ALG11: variants seen among roughly 807,000 people sequenced by gnomAD.
ALG11 encodes the protein ALG11 alpha-1,2-mannosyltransferase.
Under a neutral mutation model 38.8 loss-of-function variants are expected in ALG11, and 26 were observed. The observed-to-expected ratio is 0.67, with a 90% CI of 0.49 to 0.93. ALG11 has a LOEUF of 0.93. Among genes scored for constraint, ALG11 ranks in the 40% least tolerant of loss-of-function variants. ALG11 has a pLI of 0.00. For synonymous variants in ALG11, 199 were observed against 211.6 expected (o/e 0.94, Z 0.52); for missense variants, 535 against 578.8 (o/e 0.92, Z 0.78).
intron 2 of ALG11, chr13:52,020,475 C>G (rs1347403377): frequency 6.6e-6 from 1 of 152,186 alleles, no homozygotes; most frequent in African/African-American, 2.4e-5. Context: ...CCTGTATTTG[C>G]TCTGCCATCT....
rs11395040 is a variant in ALG11, at chr13:52,013,232, G to GT, written c.44+777dup. ...AGGCCTAGTATATTCTACCTACCTAGTTTTTTTACCACCTACATATTTTTG... is the reference window on the plus strand; with the variant it reads ...AGGCCTAGTATATTCTACCTACCTAGTTTTTTTTACCACCTACATATTTTTG... On this transcript the variant is annotated intron_variant, in intron 1 of 3. Transcript: ENST00000521508. Among the ~76,000 whole-genome samples, 1,044 of 152,132 alleles carry GT rather than the reference G, an allele frequency of 6.9e-3. 7 individuals are homozygous for GT. Among genetic ancestry groups the GT allele is most frequent in the African/African-American group, 0.023 (958 of 41,506 alleles).
chr13:52,027,159 A>G (rs185359828), intron 3 of ALG11, among the ~76,000 whole-genome samples: 10 of 152,278 alleles, frequency 6.6e-5, no homozygotes, highest in African/African-American at 2.2e-4. Flanking sequence ...AAGTCAGACT[A>G]TGAGCAAAAA....
Position 52,030,214 on chromosome 13 carries a change from G to T in ALG11, c.*1624G>T. On this transcript the variant is annotated 3_prime_UTR_variant, in exon 4 of 4. Transcript: ENST00000521508. Reference sequence around the variant, plus strand: ...CTCAGAAATTGAAGGAAAAACATCAGTCCAGGAAGCAAAAAGCAAGTTCAG... The same window carrying T: ...CTCAGAAATTGAAGGAAAAACATCATTCCAGGAAGCAAAAAGCAAGTTCAG... 1 of 1,614,218 alleles carries T rather than the reference G, an allele frequency of 6.2e-7. No homozygotes were observed. The highest frequency in any genetic ancestry group is 1.1e-5 in the South Asian group (1 of 91,092).
chr13:52,018,231 C>T (rs1011765452), intron 1 of ALG11, among the ~76,000 whole-genome samples: 2 of 152,182 alleles, frequency 1.3e-5, no homozygotes, highest in African/African-American at 2.4e-5. Context: ...GAGCTTCAAT[C>T]GACCTGACAG....
rs914777950 is a variant in ALG11 at position 52,032,673 on chromosome 13, G to GGTCA, written c.*4088_*4091dup. The GGTCA allele has an allele frequency of 1.2e-5, 2 of 166,910 alleles. No homozygotes were observed. Among genetic ancestry groups the GGTCA allele is most frequent in the African/African-American group, 4.8e-5 (2 of 41,384 alleles). 10.3% of individuals were successfully genotyped at this position (166,910 alleles called of 1,614,324 possible). ...TCAGATCAAAAAGCAGCAAACAGAG[G>GGTCA]GTCAGTCACAGGATGTTCTGACACA... On this transcript the variant is annotated 3_prime_UTR_variant, in exon 4 of 4. Coordinates refer to ENST00000521508, the MANE Select transcript of ALG11 (RefSeq NM_001004127.3).
intron 3 of ALG11, among the ~76,000 whole-genome samples, chr13:52,025,504 C>G (rs1189069378): frequency 4.6e-5 from 7 of 152,186 alleles, no homozygotes; most frequent in Non-Finnish European, 8.8e-5. Context: ...AGTTGAGAAC[C>G]ACTGTTTGCA....
At position 52,031,084 on chromosome 13, in the gene ALG11, C is replaced by T. The variant is rs200692587; in HGVS notation, c.*2494C>T. On this transcript the variant is annotated 3_prime_UTR_variant, in exon 4 of 4. Transcript: ENST00000521508. ...ATCCAAAACGAATCACCACACGTCA[C>T]AATAAAGAAGAAAAACTGTAGGTTG... 6.2e-6 allele frequency: 10 copies of T among 1,611,110 alleles called. No homozygotes were observed. Among genetic ancestry groups the T allele is most frequent in the African/African-American group, 1.3e-5 (1 of 74,684 alleles).
rs1249315084 is a variant in ALG11 at position 52,033,163 on chromosome 13, A to AATG, written c.*4576_*4578dup. 1 of 166,950 alleles carries AATG rather than the reference A, an allele frequency of 6.0e-6. No individual in the cohort carries two copies. Among genetic ancestry groups the AATG allele is most frequent in the African/African-American group, 2.4e-5 (1 of 41,392 alleles). 10.3% of individuals were successfully genotyped at this position (166,950 alleles called of 1,614,324 possible). ...ATTACATGTATTCTATTTTTTTCTG[A>AATG]ATGATAGCATGAAAAGTGTCAAAGT... is the stretch of plus-strand genomic sequence containing the variant. On this transcript the variant is annotated 3_prime_UTR_variant, in exon 4 of 4. Transcript: ENST00000521508.
chr13:52,030,849 A>C lies in ALG11; in HGVS notation c.*2259A>C, dbSNP rs772344954. The C allele has an allele frequency of 2.5e-6, 4 of 1,614,214 alleles. No individual in the cohort carries two copies. The highest frequency in any genetic ancestry group is 3.4e-6 in the Non-Finnish European group (4 of 1,180,048). On this transcript the variant is annotated 3_prime_UTR_variant, in exon 4 of 4. Coordinates refer to ENST00000521508, the MANE Select transcript of ALG11 (RefSeq NM_001004127.3). ...ATCCACGCAGCAGCTCATCAGGTAC[A>C]AGTGCTTCCATATCCATTTACCCAC...
rs1173279780 is a variant in ALG11 at position 52,018,803 on chromosome 13, TTCTC to T, written c.45-106_45-103del. On this transcript the variant is annotated intron_variant, in intron 1 of 3. Transcript: ENST00000521508. ...TTGTTAGCAGACTCGTTAAAGACAA[TTCTC>T]TCTTTGTTACTAATATATAAAGTAG... The T allele has an allele frequency of 3.2e-5, 29 of 903,846 alleles. No homozygotes were observed. The Admixed American group carries it at 3.4e-4, about 10-fold the overall frequency. 56.0% of individuals were successfully genotyped at this position (903,846 alleles called of 1,614,324 possible). A position where few individuals can be genotyped will look rare whatever the true frequency, so the allele number is the denominator to read the frequency against.
rs1007913285 is a variant in ALG11, at chr13:52,032,997, A to G, written c.*4407A>G. On this transcript the variant is annotated 3_prime_UTR_variant, in exon 4 of 4. Coordinates refer to ENST00000521508, the MANE Select transcript of ALG11 (RefSeq NM_001004127.3). ...TCAATTGCCTTATTCCTGAGGATGTAGTGAAGGAAGAAAAAGTTTTCTGGA... is the reference window on the plus strand; with the variant it reads ...TCAATTGCCTTATTCCTGAGGATGTGGTGAAGGAAGAAAAAGTTTTCTGGA... 6.0e-6 allele frequency: 1 copy of G among 167,102 alleles called. No homozygotes were observed. Among genetic ancestry groups the G allele is most frequent in the South Asian group, 2.1e-4 (1 of 4,826 alleles). The allele number at this position is 167,102 out of a possible 1,614,324, so 10.4% of individuals were successfully genotyped here. A position where few individuals can be genotyped will look rare whatever the true frequency, so the allele number is the denominator to read the frequency against.
Position 52,030,992 on chromosome 13 carries a change from C to T in ALG11, c.*2402C>T. On this transcript the variant is annotated 3_prime_UTR_variant, in exon 4 of 4. Transcript: ENST00000521508. ...CACCAAGCCAGGCCATATCATTAAG[C>T]CCATAAAAGCAGAGGATGTGGGCTA... 1 of 1,614,162 alleles carries T rather than the reference C, an allele frequency of 6.2e-7. No individual in the cohort carries two copies. The highest frequency in any genetic ancestry group is 1.1e-5 in the South Asian group (1 of 91,080).
intron 1 of ALG11, chr13:52,017,387 T>G (rs1263297816): frequency 1.3e-5 from 2 of 152,210 alleles, no homozygotes; most frequent in Non-Finnish European, 2.9e-5. Flanking sequence ...ACGTGAGATT[T>G]GGAGGGGCCA....
intron 2 of ALG11, chr13:52,022,747 G>A (rs1954195929): frequency 6.8e-6 from 1 of 147,232 alleles, no homozygotes; most frequent in South Asian, 2.1e-4. Flanking sequence ...TGCCCAGGCT[G>A]GAGTGCAGTG....
chr13:52,028,668 A>G lies in ALG11; in HGVS notation c.*78A>G, dbSNP rs780005032. 41 of 1,558,884 alleles carry G rather than the reference A, an allele frequency of 2.6e-5. No homozygotes were observed. The highest frequency in any genetic ancestry group is 3.4e-5 in the South Asian group (3 of 87,804). ...ATATGTAAATATTTTTCTAAATTCA[A>G]TCTCATTTGTCAAATCATTTTACTT... On this transcript the variant is annotated 3_prime_UTR_variant, in exon 4 of 4. Transcript: ENST00000521508.
At chr13:52,022,455 C>G (rs1390300620) in intron 2 of ALG11, 1 of 152,174 alleles carries the variant, frequency 6.6e-6, no homozygotes, top group Admixed American at 6.5e-5. Flanking sequence ...TTTTAAAAGG[C>G]TCATTCTTGC....
chr13:52,030,038 G>A lies in ALG11; in HGVS notation c.*1448G>A, dbSNP rs372361073. On this transcript the variant is annotated 3_prime_UTR_variant, in exon 4 of 4. Coordinates refer to ENST00000521508, the MANE Select transcript of ALG11 (RefSeq NM_001004127.3). ...TGCAAGTGAGGCAGAAGAAAGACCA[G>A]TGGCAGAGGAAGAAATTTTGTTGAG... The A allele has an allele frequency of 3.1e-6, 5 of 1,614,108 alleles. No homozygotes were observed. The highest frequency in any genetic ancestry group is 4.2e-6 in the Non-Finnish European group (5 of 1,180,040).
At chr13:52,018,834 T>C in intron 1 of ALG11, 79 bp from the exon 2 acceptor site, 2 of 1,133,942 alleles carry the variant, frequency 1.8e-6, no homozygotes, top group South Asian at 1.3e-5. Context: ...ATAAAGTAGA[T>C]ATGTAAAAGC....
Position 52,028,785 on chromosome 13 carries a change from G to A in ALG11, c.*195G>A, listed in dbSNP as rs767755183. ...TTCGGCTTCCATTCTTGGTATACATGAGAGAGGCTGGCTGCTGAGATGAAT... is the reference window on the plus strand; with the variant it reads ...TTCGGCTTCCATTCTTGGTATACATAAGAGAGGCTGGCTGCTGAGATGAAT... On this transcript the variant is annotated 3_prime_UTR_variant, in exon 4 of 4. Coordinates refer to ENST00000521508, the MANE Select transcript of ALG11 (RefSeq NM_001004127.3). 86 of 1,614,148 alleles carry A rather than the reference G, an allele frequency of 5.3e-5. No homozygotes were observed. Among genetic ancestry groups the A allele is most frequent in the Middle Eastern group, 3.3e-4 (2 of 6,062 alleles).
Sources: allele counts gnomAD v4.1 joint callset (sites outside exome capture counted in the v4.1 genomes callset), GRCh38; gene constraint gnomAD v4.1.1; transcripts MANE v1.5; gene names NCBI Gene and HGNC (gene_info 2026-07-23, HGNC 2026-07-21).